Variants in ATP13A4 observed in about 807,000 individuals in gnomAD.
ATP13A4 encodes the protein ATPase 13A4, also known as probable cation-transporting ATPase 13A4.
In ATP13A4, 114 loss-of-function variants were observed where a neutral mutation model predicts 142.5. That is an observed-to-expected ratio of 0.80 (90% CI 0.69 to 0.93). ATP13A4 has a LOEUF of 0.93. Among genes scored for constraint, ATP13A4 ranks in the 40% least tolerant of loss-of-function variants. The pLI, the probability that ATP13A4 is intolerant of heterozygous loss-of-function variation, is 0.00. For synonymous variants in ATP13A4, 488 were observed against 514.8 expected (o/e 0.95, Z 0.70); for missense variants, 1,392 against 1,454.0 (o/e 0.96, Z 0.69).
chr3:193,554,761 A>G lies in ATP13A4; in HGVS notation c.39T>C (p.Asn13=). The G allele has an allele frequency of 6.2e-7, 1 of 1,613,760 alleles. No individual in the cohort carries two copies. The highest frequency in any genetic ancestry group is 8.5e-7 in the Non-Finnish European group (1 of 1,179,982). The change falls in exon 1 of 30, where the codon AAT becomes AAC. Residue 13 remains asparagine, a synonymous_variant. Coordinates refer to ENST00000342695, the MANE Select transcript of ATP13A4 (RefSeq NM_032279.4). ...HFEKGQHALL[N]EGEENEMEIF... is the part of the protein sequence containing the mutation. Reference sequence around the variant, plus strand: ...TTACCATCTCATTCTCTTCTCCTTCATTGAGCAGAGCGTGCTGGCCCTTCT... The same window carrying G: ...TTACCATCTCATTCTCTTCTCCTTCGTTGAGCAGAGCGTGCTGGCCCTTCT...
intron 1 of ATP13A4, among the ~76,000 whole-genome samples, chr3:193,585,695 T>C (rs188400482): frequency 3.9e-5 from 6 of 152,256 alleles, no homozygotes; most frequent in Admixed American, 2.6e-4. Context: ...CTGTTTGTTG[T>C]TGAGGAGTAT....
At chr3:193,500,961 T>C (rs773277394) in intron 3 of ATP13A4, among the ~76,000 whole-genome samples, 1 of 152,232 alleles carries the variant, frequency 6.6e-6, no homozygotes, top group Non-Finnish European at 1.5e-5. Flanking sequence ...TTTTATTTTA[T>C]AAATAAGAAA....
intron 1 of ATP13A4, among the ~76,000 whole-genome samples, chr3:193,529,887 A>G (rs778754374): frequency 1.3e-5 from 2 of 152,190 alleles, no homozygotes; most frequent in Non-Finnish European, 2.9e-5. Flanking sequence ...TCTTTTTCAT[A>G]TAATAGCACC....
intron 16 of ATP13A4, among the ~76,000 whole-genome samples, chr3:193,456,329 G>T (rs1350473215): frequency 6.6e-6 from 1 of 152,152 alleles, no homozygotes; most frequent in Non-Finnish European, 1.5e-5. Context: ...AGCGTTTGGT[G>T]GTGTACATAC....
At chr3:193,516,356 A>C (rs1721414005) in intron 1 of ATP13A4, among the ~76,000 whole-genome samples, 1 of 152,232 alleles carries the variant, frequency 6.6e-6, no homozygotes, top group Non-Finnish European at 1.5e-5. Context: ...AATTTGGCAT[A>C]ACTGATAAAA....
At chr3:193,445,954 G>C (rs1716925950) in intron 18 of ATP13A4, among the ~76,000 whole-genome samples, 1 of 106,100 alleles carries the variant, frequency 9.4e-6, no homozygotes, top group African/African-American at 3.8e-5. Context: ...ATTGTGGTCT[G>C]AACAAACTGG....
chr3:193,491,396 C>T lies in ATP13A4; in HGVS notation c.536G>A (p.Arg179Lys), dbSNP rs1411650216. ...GATAGTATTAGGCCCACATATTAAC[C>T]TCCTATAGAAAGAAATCACAGATCA... ...GLTREEQEIR[R>K]LICGPNTIDV... Residue 179 changes from arginine to lysine, a missense_variant and splice_region_variant, in exon 6 of 30, where the codon AGG (arginine) becomes AAG (lysine). Physicochemically the swap from Arg to Lys is conservative, Grantham distance 26. Transcript: ENST00000342695. The T allele has an allele frequency of 2.5e-6, 4 of 1,576,396 alleles. No individual in the cohort carries two copies. The highest frequency in any genetic ancestry group is 3.5e-6 in the Non-Finnish European group (4 of 1,146,602).
intron 25 of ATP13A4, among the ~76,000 whole-genome samples, chr3:193,415,183 A>C (rs1177448651): frequency 6.6e-6 from 1 of 152,228 alleles, no homozygotes; most frequent in East Asian, 1.9e-4. Flanking sequence ...ATGTGAAAAA[A>C]TATTCATTAT....
At chr3:193,468,101 C>T (rs1350428011) in intron 9 of ATP13A4, among the ~76,000 whole-genome samples, 2 of 152,120 alleles carry the variant, frequency 1.3e-5, no homozygotes, top group African/African-American at 2.4e-5. Flanking sequence ...CTCGCTTGAA[C>T]CCAGGAGGCA....
chr3:193,457,532 G>T, intron 14 of ATP13A4, 67 bp from the exon 15 acceptor site: 2 of 1,448,768 alleles, frequency 1.4e-6, no homozygotes, highest in South Asian at 2.3e-5. Flanking sequence ...TGCTATGCTT[G>T]AACCCTCCCC....
chr3:193,537,953 A>G (rs1722673963), intron 1 of ATP13A4, among the ~76,000 whole-genome samples: 1 of 152,210 alleles, frequency 6.6e-6, no homozygotes, highest in Admixed American at 6.5e-5. Flanking sequence ...CAGAGGAGAT[A>G]CAGGTGGGAA....
chr3:193,435,076 G>A (rs1716188266), intron 24 of ATP13A4, among the ~76,000 whole-genome samples: 1 of 152,072 alleles, frequency 6.6e-6, no homozygotes, highest in Admixed American at 6.5e-5. Flanking sequence ...ACATTTTACT[G>A]CTATCTCTGC....
intron 14 of ATP13A4, among the ~76,000 whole-genome samples, chr3:193,458,142 G>T (rs1717746304): frequency 1.3e-5 from 2 of 152,176 alleles, no homozygotes; most frequent in African/African-American, 4.8e-5. Context: ...TGCTCCAGGA[G>T]ATTTGGAAGG....
chr3:193,440,335 T>A, intron 21 of ATP13A4: 1 of 782,144 alleles, frequency 1.3e-6, no homozygotes, highest in Non-Finnish European at 1.9e-6. Flanking sequence ...TGAAAAAAAA[T>A]ACTGATTTTT....
At chr3:193,484,048 A>G (rs1462565242) in intron 7 of ATP13A4, 43 bp from the exon 8 acceptor site, 2 of 1,503,412 alleles carry the variant, frequency 1.3e-6, no homozygotes, top group African/African-American at 2.8e-5. Context: ...CTATTTGAGC[A>G]TAGTTTCTAG....
intron 1 of ATP13A4, among the ~76,000 whole-genome samples, chr3:193,520,168 G>C (rs1011026131): frequency 6.6e-6 from 1 of 152,130 alleles, no homozygotes; most frequent in Admixed American, 6.5e-5. Flanking sequence ...AAAGGAAGGA[G>C]ACAAAGGTGG....
chr3:193,484,710 AC>A (rs1719502249), intron 7 of ATP13A4, among the ~76,000 whole-genome samples: 1 of 152,172 alleles, frequency 6.6e-6, no homozygotes, highest in African/African-American at 2.4e-5. Flanking sequence ...TCATTCTTTT[AC>A]CCATTTGTGC....
At chr3:193,435,032 T>C (rs1487651943) in intron 24 of ATP13A4, among the ~76,000 whole-genome samples, 1 of 152,186 alleles carries the variant, frequency 6.6e-6, no homozygotes. Context: ...AGTTAATAAA[T>C]ACTCAAAGCT....
At chr3:193,434,838 T>C (rs1716172759) in intron 24 of ATP13A4, among the ~76,000 whole-genome samples, 1 of 152,236 alleles carries the variant, frequency 6.6e-6, no homozygotes, top group Non-Finnish European at 1.5e-5. Context: ...TATGTATTTT[T>C]GTGGTATGAT....
Sources: gnomAD v4.1 joint callset for allele counts (sites outside exome capture counted in the v4.1 genomes callset) on GRCh38, gnomAD v4.1.1 for gene constraint, MANE v1.5 for transcripts, NCBI Gene and HGNC (gene_info 2026-07-23, HGNC 2026-07-21) for gene names.